The following CPNE5 variants were observed in gnomAD, a reference collection of about 807,000 sequenced individuals.
CPNE5 encodes the protein copine 5.
CPNE5 carries 42 observed loss-of-function variants against 81.1 expected under a neutral mutation model. The observed-to-expected ratio is 0.52, with a 90% CI of 0.40 to 0.67. The LOEUF (loss-of-function observed/expected upper bound fraction) is 0.67, where lower values mean the gene tolerates loss of function less well. Among genes scored for constraint, CPNE5 ranks in the 30% least tolerant of loss-of-function variants. The pLI, the probability that CPNE5 is intolerant of heterozygous loss-of-function variation, is 0.00. For synonymous variants in CPNE5, 313 were observed against 321.5 expected (o/e 0.97, Z 0.28); for missense variants, 612 against 815.5 (o/e 0.75, Z 3.04).
intron 1 of CPNE5, among the ~76,000 whole-genome samples, chr6:36,835,815 A>G (rs1374035358): frequency 6.6e-6 from 1 of 152,150 alleles, no homozygotes; most frequent in Non-Finnish European, 1.5e-5. Context: ...AAAAAAAAAA[A>G]AAAGAATCTC....
At chr6:36,757,855 A>G (rs1258852469) in intron 12 of CPNE5, among the ~76,000 whole-genome samples, 1 of 152,148 alleles carries the variant, frequency 6.6e-6, no homozygotes, top group Non-Finnish European at 1.5e-5. Context: ...GGGAGAAATG[A>G]ATAGAACCCA....
In CPNE5 at chr6:36,742,340, T is replaced by G. The variant is rs1414210315; in HGVS notation, c.1710A>C (p.Ala570=). The G allele has an allele frequency of 2.5e-6, 4 of 1,612,756 alleles. No individual in the cohort carries two copies. The highest frequency in any genetic ancestry group is 3.4e-6 in the Non-Finnish European group (4 of 1,179,860). The change falls in exon 21 of 21, where the codon GCA becomes GCC. Residue 570 remains alanine, a synonymous_variant. Transcript: ENST00000244751. ...AQGIRPRPPP[A]APTHSPSQSP... ...ACTGCGAGGGCGAGTGGGTTGGTGC[T>G]GCGGGTGGGGGACGCGGGCGAATGC...
intron 9 of CPNE5, among the ~76,000 whole-genome samples, chr6:36,777,902 T>G (rs2150463277): frequency 6.6e-6 from 1 of 152,084 alleles, no homozygotes; most frequent in South Asian, 2.1e-4. Flanking sequence ...TATTCTTCCC[T>G]GCTTCCCCCA....
chr6:36,768,225 CTTTTTTTTTTTTTTTTTT>C lies in CPNE5; in HGVS notation c.738-2867_738-2850del, dbSNP rs10586762. ...GGCTTTGACTACTCTATTCACAGTT[CTTTTTTTTTTTTTTTTTT>C]TTTTTTTTTGAGACAGAGTCTCGCT... On this transcript the variant is annotated intron_variant, in intron 10 of 20. Coordinates refer to ENST00000244751, the MANE Select transcript of CPNE5 (RefSeq NM_020939.2). Among the ~76,000 whole-genome samples the C allele has an allele frequency of 1.1e-3, 65 of 60,516 alleles. 1 individual carries two copies. The highest frequency in any genetic ancestry group is 2.6e-3 in the South Asian group (4 of 1,524). 39.7% of individuals were successfully genotyped at this position (60,516 alleles called of 152,430 possible).
At chr6:36,765,268 AG>A (rs71540167) in intron 11 of CPNE5, 66 bp downstream of exon 11, 1 of 1,555,158 alleles carries the variant, frequency 6.4e-7, no homozygotes, top group African/African-American at 1.4e-5. Context: ...TCCGCATGGG[AG>A]GGCAGGGCCC....
chr6:36,793,673 T>C (rs950835416), intron 7 of CPNE5, among the ~76,000 whole-genome samples: 4 of 152,114 alleles, frequency 2.6e-5, no homozygotes, highest in Non-Finnish European at 4.4e-5. Flanking sequence ...AGTTGCTGCT[T>C]CTCTACTCTC....
intron 7 of CPNE5, among the ~76,000 whole-genome samples, chr6:36,793,493 G>A (rs1054727005): frequency 7.2e-5 from 11 of 152,032 alleles, no homozygotes; most frequent in Non-Finnish European, 1.0e-4. Flanking sequence ...AGCCTCCTCC[G>A]CCCCATGTTT....
At chr6:36,762,185 T>G (rs1582781583) in intron 12 of CPNE5, among the ~76,000 whole-genome samples, 2 of 131,870 alleles carry the variant, frequency 1.5e-5, no homozygotes, top group African/African-American at 5.8e-5. Context: ...CCTGGGAGAT[T>G]GGGGCTGCAG....
intron 11 of CPNE5, among the ~76,000 whole-genome samples, chr6:36,764,904 T>C (rs187747239): frequency 4.6e-5 from 7 of 152,230 alleles, no homozygotes; most frequent in Admixed American, 3.3e-4. Flanking sequence ...CTCCTCTGCA[T>C]CTCCGTCACC....
intron 20 of CPNE5, chr6:36,743,197 C>T (rs964020016): frequency 3.0e-5 from 30 of 985,264 alleles, no homozygotes; most frequent in Admixed American, 1.8e-4. Flanking sequence ...GAAGTGCTTG[C>T]GGAGGGTGCA....
chr6:36,773,018 G>A (rs1036438348), intron 10 of CPNE5, among the ~76,000 whole-genome samples: 1 of 151,864 alleles, frequency 6.6e-6, no homozygotes, highest in South Asian at 2.1e-4. Flanking sequence ...TTTTTTTAAT[G>A]TTTTAATTTT....
At chr6:36,760,725 A>T (rs1765942632) in intron 12 of CPNE5, among the ~76,000 whole-genome samples, 2 of 152,082 alleles carry the variant, frequency 1.3e-5, no homozygotes, top group Admixed American at 6.5e-5. Flanking sequence ...GTGCTGTGGG[A>T]GGTTTAGCTA....
At chr6:36,771,266 C>T (rs890891115) in intron 10 of CPNE5, among the ~76,000 whole-genome samples, 7 of 152,202 alleles carry the variant, frequency 4.6e-5, no homozygotes, top group Non-Finnish European at 8.8e-5. Flanking sequence ...CATGCCATGT[C>T]TTGGCTATCT....
intron 12 of CPNE5, 127 bp from the exon 13 acceptor site, chr6:36,756,425 C>T (rs1028246305): frequency 5.5e-5 from 40 of 720,860 alleles, no homozygotes; most frequent in African/African-American, 3.3e-4. Context: ...GTGAAGACCA[C>T]GGGGCCAGGG....
At chr6:36,825,042 G>C (rs1772381689) in intron 1 of CPNE5, among the ~76,000 whole-genome samples, 1 of 152,182 alleles carries the variant, frequency 6.6e-6, no homozygotes, top group Admixed American at 6.5e-5. Flanking sequence ...GAAAGACCAG[G>C]GAGAGGCAAA....
chr6:36,759,655 C>T lies in CPNE5; in HGVS notation c.855+3262G>A, dbSNP rs11968005. Among the ~76,000 whole-genome samples the T allele has an allele frequency of 7.4e-3, 1,129 of 152,116 alleles. 14 individuals carry two copies. Among genetic ancestry groups the T allele is most frequent in the African/African-American group, 0.026 (1,069 of 41,492 alleles). ...GTCCACTCCAGGCTCTGGGGTGGGG[C>T]GGGTGTGCAGGTGGACACAACTTCC... On this transcript the variant is annotated intron_variant, in intron 12 of 20. Transcript: ENST00000244751.
intron 8 of CPNE5, among the ~76,000 whole-genome samples, chr6:36,785,632 G>A (rs1236667621): frequency 6.6e-6 from 1 of 152,108 alleles, no homozygotes; most frequent in Non-Finnish European, 1.5e-5. Flanking sequence ...TACTCAGAAG[G>A]CTAAGGCAGT....
intron 13 of CPNE5, 147 bp downstream of exon 13, chr6:36,756,098 A>ACC: frequency 1.3e-5 from 3 of 235,640 alleles, no homozygotes; most frequent in East Asian, 1.4e-4. Flanking sequence ...CATCTGCCCC[A>ACC]CCCCTCCCCA....
In CPNE5 at chr6:36,800,446, G is replaced by C. The variant is rs557667979; in HGVS notation, c.184-376C>G. 3.8e-4 allele frequency among the ~76,000 whole-genome samples: 58 copies of C among 152,260 alleles called. No individual in the cohort carries two copies. In the Middle Eastern group the frequency reaches 0.014, roughly 36 times the overall value. On this transcript the variant is annotated intron_variant, in intron 3 of 20. Coordinates refer to ENST00000244751, the MANE Select transcript of CPNE5 (RefSeq NM_020939.2). The stretch of plus-strand genomic sequence containing the variant: ...GAAGCCTTCCTGATTCCTCCAATCA[G>C]AGAATTTTATTTCTCTGAGCCTCCA...
Sources: allele counts gnomAD v4.1 joint callset (sites outside exome capture counted in the v4.1 genomes callset), GRCh38; gene constraint gnomAD v4.1.1; transcripts MANE v1.5; gene names NCBI Gene and HGNC (gene_info 2026-07-23, HGNC 2026-07-21).